Variants in ZSWIM8 observed in about 807,000 individuals in gnomAD.
ZSWIM8 encodes the protein zinc finger SWIM domain-containing protein 8.
ZSWIM8 carries 27 observed loss-of-function variants against 173.7 expected under a neutral mutation model. The observed-to-expected ratio is 0.16, with a 90% CI of 0.11 to 0.21. The LOEUF (loss-of-function observed/expected upper bound fraction) is 0.21, where lower values mean the gene tolerates loss of function less well. Ranked by LOEUF, ZSWIM8 falls within the 10% of genes least tolerant of loss-of-function variation. ZSWIM8 has a pLI of 1.00. For missense variants in ZSWIM8, 1,627 were observed against 2,428.8 expected, an observed-to-expected ratio of 0.67 and a Z score of 6.94; for synonymous variants, 958 against 962.0, an observed-to-expected ratio of 1.00 and a Z score of 0.08.
In ZSWIM8 at chr10:73,801,003, C is replaced by T; in HGVS notation, c.5123-14C>T. 1.3e-6 allele frequency: 2 copies of T among 1,537,090 alleles called. No individual in the cohort carries two copies. Among genetic ancestry groups the T allele is most frequent in the Non-Finnish European group, 1.8e-6 (2 of 1,136,224 alleles). On this transcript the variant is annotated splice_polypyrimidine_tract_variant and intron_variant, in intron 24 of 25. Transcript: ENST00000604729. This position sits in a 1 kb window ranked among gnomAD's most constrained non-coding sequence, Gnocchi z 4.9. The stretch of plus-strand genomic sequence containing the variant: ...TGGCCACCCCCGTCTCATGCCCCTC[C>T]CCCTGCCCCCCAGGAGTGAACTACG...
Position 73,797,877 on chromosome 10 carries a change from G to T in ZSWIM8, c.3759G>T (p.Val1253=). The change falls in exon 19 of 26, where the codon GTG becomes GTT. Residue 1253 remains valine (V), a synonymous_variant. Transcript: ENST00000604729. The surrounding 1 kb of genome is among the most constrained non-coding windows in gnomAD (Gnocchi z 5.6). ...AHFYFELAKT[V]LIKAGGNSST... ...TCTACTTCGAGCTGGCGAAGACAGTGCTGATCAAGGCAGGGGGCAACAGCA... is the reference window on the plus strand; with the variant it reads ...TCTACTTCGAGCTGGCGAAGACAGTTCTGATCAAGGCAGGGGGCAACAGCA... 6.2e-7 allele frequency: 1 copy of T among 1,613,944 alleles called. No homozygotes were observed. The highest frequency in any genetic ancestry group is 8.5e-7 in the Non-Finnish European group (1 of 1,179,898).
At position 73,799,382 on chromosome 10, in the gene ZSWIM8, C is replaced by A; in HGVS notation, c.4557C>A (p.His1519Gln). 1 of 1,612,166 alleles carries A rather than the reference C, an allele frequency of 6.2e-7. No individual in the cohort carries two copies. Among genetic ancestry groups the A allele is most frequent in the Non-Finnish European group, 8.5e-7 (1 of 1,179,198 alleles). Residue 1519 changes from histidine to glutamine, a missense_variant, in exon 21 of 26, where the codon CAC becomes CAA. His to Gln is a conservative substitution (Grantham distance 24, BLOSUM62 0). Transcript: ENST00000604729. ...GLHPYTALQP[H>Q]LPCSPQYLTH... ...ACCCCTACACTGCTCTACAGCCCCA[C>A]CTGCCCTGTAGCCCTCAGTATCTCA...
intron 1 of ZSWIM8, among the ~76,000 whole-genome samples, chr10:73,788,186 C>T (rs1343201563): frequency 6.7e-6 from 1 of 149,500 alleles, no homozygotes; most frequent in Non-Finnish European, 1.5e-5. Flanking sequence ...GGGCTCTGGT[C>T]TATCTTGTCT....
chr10:73,799,762 C>T (rs1178038084), intron 21 of ZSWIM8: 2 of 629,242 alleles, frequency 3.2e-6, no homozygotes, highest in Admixed American at 5.9e-5. Context: ...GAAACCCCGT[C>T]TCTACTAAAA....
At chr10:73,798,895 A>G in intron 20 of ZSWIM8, 107 bp from the exon 21 acceptor site, 3 of 1,445,304 alleles carry the variant, frequency 2.1e-6, no homozygotes, top group Non-Finnish European at 2.8e-6. Flanking sequence ...ACCTCTGATG[A>G]TTCCCTGGGA....
At position 73,792,921 on chromosome 10, in the gene ZSWIM8, G is replaced by T. The variant is rs2083471580; in HGVS notation, c.2313+69G>T. The T allele has an allele frequency of 6.1e-6, 9 of 1,487,420 alleles. No homozygotes were observed. The highest frequency in any genetic ancestry group is 8.0e-6 in the Non-Finnish European group (9 of 1,122,048). The allele number at this position is 1,487,420 out of a possible 1,614,324, so 92.1% of individuals were successfully genotyped here. On this transcript the variant is annotated intron_variant, in intron 10 of 25. Coordinates refer to ENST00000604729, the MANE Select transcript of ZSWIM8 (RefSeq NM_001367799.1). The surrounding 1 kb of genome is among the most constrained non-coding windows in gnomAD (Gnocchi z 4.3). The stretch of plus-strand genomic sequence containing the variant: ...AACTGGGAGGGGCTATCTAGCTCTA[G>T]TTGGGAGTGTCAGGACCATCAGCAG...
In ZSWIM8 at chr10:73,794,240, G is replaced by A; in HGVS notation, c.2719G>A (p.Glu907Lys). The change falls in exon 13 of 26, where the codon GAG (glutamate) becomes AAG (lysine). Residue 907 changes from glutamate (E) to lysine (K), a missense_variant. Coordinates refer to ENST00000604729, the MANE Select transcript of ZSWIM8 (RefSeq NM_001367799.1). ...GATGAGTACCATGCGGTGCCGGGCA[G>A]AGGAACTTCGGGAGGGGACACTCTG... ...SEMSTMRCRAEELREGTLCDY... is the reference protein window; with the variant it reads ...SEMSTMRCRAKELREGTLCDY... 6.2e-7 allele frequency: 1 copy of A among 1,614,056 alleles called. No homozygotes were observed. The highest frequency in any genetic ancestry group is 8.5e-7 in the Non-Finnish European group (1 of 1,179,906).
At position 73,792,832 on chromosome 10, in the gene ZSWIM8, G is replaced by C; in HGVS notation, c.2293G>C (p.Glu765Gln). Reference sequence around the variant, plus strand: ...CCTGTTTGCTGGGCTGAAGCCACTGGAACAGGAGAGTCGCATGGAGGTGAG... The same window carrying C: ...CCTGTTTGCTGGGCTGAAGCCACTGCAACAGGAGAGTCGCATGGAGGTGAG... The part of the protein sequence containing the change: ...HDLFAGLKPL[E>Q]QESRMEVLFA... Residue 765 changes from glutamate (E) to glutamine (Q), a missense_variant, in exon 10 of 26, where the codon GAA becomes CAA. Around this residue, in one of 18 missense-constraint regions of ZSWIM8, gnomAD observed 383 missense variants for 394.8 expected, o/e 0.97. Transcript: ENST00000604729. The surrounding 1 kb of genome is among the most constrained non-coding windows in gnomAD (Gnocchi z 4.3). 1 of 1,577,614 alleles carries C rather than the reference G, an allele frequency of 6.3e-7. No homozygotes were observed. Among genetic ancestry groups the C allele is most frequent in the South Asian group, 1.1e-5 (1 of 87,956 alleles).
chr10:73,786,327 G>GGTGTGTGTGTGTGTGTGTGGGT, intron 1 of ZSWIM8: 1 of 418,208 alleles, frequency 2.4e-6, no homozygotes, highest in African/African-American at 2.1e-5. Context: ...TGTGTGTGTG[G>GGTGTGTGTGTGTGTGTGTGGGT]GTGTGTGTGT....
Position 73,800,381 on chromosome 10 carries a change from G to C in ZSWIM8, c.4911G>C (p.Val1637=). 1 of 1,613,890 alleles carries C rather than the reference G, an allele frequency of 6.2e-7. No homozygotes were observed. The highest frequency in any genetic ancestry group is 8.5e-7 in the Non-Finnish European group (1 of 1,179,866). ...PALTTQPSPL[V]SGGFPPPEEE... is the part of the protein sequence containing the mutation. ...TGACCACACAGCCCAGCCCTCTGGTGAGCGGAGGTTTTCCACCGCCCGAGG... is the reference window on the plus strand; with the variant it reads ...TGACCACACAGCCCAGCCCTCTGGTCAGCGGAGGTTTTCCACCGCCCGAGG... The change falls in exon 23 of 26, where the codon GTG becomes GTC. Residue 1637 remains valine, a synonymous_variant. Transcript: ENST00000604729. The surrounding 1 kb of genome is among the most constrained non-coding windows in gnomAD (Gnocchi z 4.1).
chr10:73,799,432 C>G lies in ZSWIM8; in HGVS notation c.4607C>G (p.Pro1536Arg). Residue 1536 changes from proline to arginine, a missense_variant, in exon 21 of 26, where the codon CCC (proline) becomes CGC (arginine). By Grantham distance (103) the Pro-to-Arg change is moderately radical. Around this residue, in one of 18 missense-constraint regions of ZSWIM8, gnomAD observed 275 missense variants for 290.1 expected, o/e 0.95. Transcript: ENST00000604729. ...ACTCACCCAGCTCACCCTGCCCACC[C>G]CATGCCTCACATGCCCCGGCCTGCC... is the stretch of plus-strand genomic sequence containing the variant. The part of the protein sequence containing the change: ...YLTHPAHPAH[P>R]MPHMPRPAVF... 1 of 1,607,488 alleles carries G rather than the reference C, an allele frequency of 6.2e-7. No homozygotes were observed. Among genetic ancestry groups the G allele is most frequent in the Non-Finnish European group, 8.5e-7 (1 of 1,177,140 alleles).
chr10:73,799,714 T>C, intron 21 of ZSWIM8: 1 of 684,398 alleles, frequency 1.5e-6, no homozygotes, highest in South Asian at 1.9e-5. Context: ...GTGGATCACT[T>C]GAGGTCAGGA....
At position 73,795,542 on chromosome 10, in the gene ZSWIM8, T is replaced by C; in HGVS notation, c.2912T>C (p.Met971Thr). ...CATAAGGTCCTCTTTCTCGCAGGCA[T>C]GAAGACAACAGTGAGCGAGGCAGAA... ...GFEAAVAALG[M>T]KTTVSEAEHP... Residue 971 changes from methionine to threonine, a missense_variant, in exon 15 of 26, where the codon ATG becomes ACG. Met to Thr is a moderately conservative substitution (Grantham distance 81, BLOSUM62 -1). This residue lies in a region of ZSWIM8 where 169 missense variants were observed against 235.3 expected (regional missense o/e 0.72). Coordinates refer to ENST00000604729, the MANE Select transcript of ZSWIM8 (RefSeq NM_001367799.1). The C allele has an allele frequency of 6.2e-7, 1 of 1,613,896 alleles. No homozygotes were observed.
chr10:73,800,113 A>C lies in ZSWIM8; in HGVS notation c.4768A>C (p.Ile1590Leu). 1 of 1,613,782 alleles carries C rather than the reference A, an allele frequency of 6.2e-7. No individual in the cohort carries two copies. Among genetic ancestry groups the C allele is most frequent in the Non-Finnish European group, 8.5e-7 (1 of 1,179,822 alleles). ...VSFPVPSMAP[I>L]TVHPYHTEPG... ...TTTCCCCGTTCCTTCCATGGCACCC[A>C]TCACAGTACATCCCTACCACACAGA... The change falls in exon 22 of 26, where the codon ATC (isoleucine) becomes CTC (leucine). Residue 1590 changes from isoleucine to leucine, a missense_variant. This residue lies in a region of ZSWIM8 where 275 missense variants were observed against 290.1 expected (regional missense o/e 0.95). Transcript: ENST00000604729. The surrounding 1 kb of genome is among the most constrained non-coding windows in gnomAD (Gnocchi z 4.1).
At position 73,785,775 on chromosome 10, in the gene ZSWIM8, G is replaced by T. The variant is rs1038061934; in HGVS notation, c.-104G>T. ...GCCCTGAGCGCCCCGGCCACCCCCA[G>T]CCCCGGCTCGCCCCTCAGGCCCCGG... On this transcript the variant is annotated 5_prime_UTR_variant, in exon 1 of 26. Transcript: ENST00000604729. The T allele has an allele frequency of 1.8e-5, 23 of 1,290,532 alleles. No individual in the cohort carries two copies. The highest frequency in any genetic ancestry group is 2.4e-5 in the Non-Finnish European group (23 of 940,272). The allele number at this position is 1,290,532 out of a possible 1,614,324, so 79.9% of individuals were successfully genotyped here.
At chr10:73,790,833 A>G in intron 7 of ZSWIM8, 142 bp from the exon 8 acceptor site, 1 of 677,190 alleles carries the variant, frequency 1.5e-6, no homozygotes, top group South Asian at 1.9e-5. Context: ...TGGGCGACAG[A>G]GCAAGACTTG....
In ZSWIM8 at chr10:73,792,352, C is replaced by T; in HGVS notation, c.1813C>T (p.Arg605Ter). 6.2e-7 allele frequency: 1 copy of T among 1,611,640 alleles called. No homozygotes were observed. Among genetic ancestry groups the T allele is most frequent in the Non-Finnish European group, 8.5e-7 (1 of 1,178,928 alleles). ...SKGSAGGGSK[R>*]RLSSEDSSLE... ...GGGCTCAGCAGGTGGCGGAAGCAAG[C>T]GACGGCTGAGCAGCGAAGACAGCTC... The change falls in exon 10 of 26, where the codon CGA becomes TGA. Residue 605 changes from arginine (R) to a stop codon, truncating the protein, a stop_gained. Transcript: ENST00000604729. LOFTEE classifies it high-confidence loss of function. This position sits in a 1 kb window ranked among gnomAD's most constrained non-coding sequence, Gnocchi z 4.3.
chr10:73,794,567 C>G lies in ZSWIM8; in HGVS notation c.2836C>G (p.Pro946Ala). 6.4e-7 allele frequency: 1 copy of G among 1,561,240 alleles called. No homozygotes were observed. Among genetic ancestry groups the G allele is most frequent in the Non-Finnish European group, 8.7e-7 (1 of 1,151,882 alleles). The stretch of plus-strand genomic sequence containing the variant: ...GGTTTCTCCCACAGGTTCCCGGCCC[C>G]CAAGTCGCAACTGGAACAGCGAGAC... ...PVVSPTGSRP[P>A]SRNWNSETPG... Residue 946 changes from proline (P) to alanine (A), a missense_variant, in exon 14 of 26, where the codon CCA (proline) becomes GCA (alanine). Physicochemically the swap from Pro to Ala is conservative, Grantham distance 27. Transcript: ENST00000604729.
chr10:73,799,602 G>A (rs770659207), intron 21 of ZSWIM8, 112 bp downstream of exon 21: 4 of 1,440,034 alleles, frequency 2.8e-6, no homozygotes, highest in Non-Finnish European at 1.9e-6. Flanking sequence ...GTCCTGGTGA[G>A]GTGGTGGGAG....
Sources: allele counts gnomAD v4.1 joint callset (sites outside exome capture counted in the v4.1 genomes callset), GRCh38; gene constraint gnomAD v4.1.1; regional missense constraint gnomAD v4.1.1; non-coding constraint Gnocchi (gnomAD v3.1); transcripts MANE v1.5; gene names NCBI Gene and HGNC (gene_info 2026-07-23, HGNC 2026-07-21).